Variants in WWOX observed in about 807,000 individuals in gnomAD.
WWOX encodes the protein WW domain-containing oxidoreductase.
A neutral mutation model predicts 46.2 loss-of-function variants in WWOX; 69 were observed. The observed-to-expected ratio is 1.49, with a 90% CI of 1.23 to 1.82. The LOEUF (loss-of-function observed/expected upper bound fraction) is 1.82, where lower values mean the gene tolerates loss of function less well. Ranked by LOEUF, WWOX falls within the 40% of genes most tolerant of loss-of-function variation. The pLI, the probability that WWOX is intolerant of heterozygous loss-of-function variation, is 0.00. For synonymous variants in WWOX, 359 were observed against 202.6 expected, an observed-to-expected ratio of 1.77 and a Z score of -6.56; for missense variants, 919 against 542.6, an observed-to-expected ratio of 1.69 and a Z score of -6.89.
intron 8 of WWOX, among the ~76,000 whole-genome samples, chr16:79,006,958 G>A (rs1253354380): frequency 6.6e-6 from 1 of 152,162 alleles, no homozygotes; most frequent in Non-Finnish European, 1.5e-5. Context: ...AGCAACGTCA[G>A]TTCCACCCAC....
At chr16:79,188,628 A>G (rs934186794) in intron 8 of WWOX, among the ~76,000 whole-genome samples, 8 of 152,194 alleles carry the variant, frequency 5.3e-5, no homozygotes, top group African/African-American at 2.4e-5. Flanking sequence ...CTTCTGAGCC[A>G]TCTGTTGCTA....
chr16:78,779,434 C>T (rs9923576), intron 8 of WWOX, among the ~76,000 whole-genome samples: 412 of 152,230 alleles, frequency 2.7e-3, no homozygotes, highest in Admixed American at 5.2e-3. Flanking sequence ...CCGTGTCCGG[C>T]CCCCCTTTCT....
At chr16:78,189,968 C>A (rs1384702729) in intron 5 of WWOX, among the ~76,000 whole-genome samples, 1 of 152,096 alleles carries the variant, frequency 6.6e-6, no homozygotes, top group Non-Finnish European at 1.5e-5. Context: ...ATCCTTCTTA[C>A]TTTTCCTCAA....
chr16:78,673,470 C>G (rs1201997989), intron 8 of WWOX, among the ~76,000 whole-genome samples: 3 of 152,112 alleles, frequency 2.0e-5, no homozygotes, highest in Non-Finnish European at 4.4e-5. Flanking sequence ...CACGAAACCC[C>G]TCTAAAACAG....
intron 5 of WWOX, among the ~76,000 whole-genome samples, chr16:78,189,088 G>C (rs2035799962): frequency 6.6e-6 from 1 of 152,190 alleles, no homozygotes; most frequent in Non-Finnish European, 1.5e-5. Flanking sequence ...CTGTGGCTGA[G>C]AACGTGCAGC....
At chr16:79,180,103 A>G (rs765636546) in intron 8 of WWOX, among the ~76,000 whole-genome samples, 4 of 152,152 alleles carry the variant, frequency 2.6e-5, no homozygotes, top group Non-Finnish European at 4.4e-5. Context: ...AACAAGAAAG[A>G]ATCTTTGCTA....
At chr16:78,524,242 G>T (rs996463875) in intron 8 of WWOX, among the ~76,000 whole-genome samples, 3 of 152,022 alleles carry the variant, frequency 2.0e-5, no homozygotes, top group African/African-American at 7.2e-5. Flanking sequence ...ACTTGTCATG[G>T]TGTGACTAAT....
chr16:79,138,112 A>G (rs573527191), intron 8 of WWOX, among the ~76,000 whole-genome samples: 2 of 152,206 alleles, frequency 1.3e-5, no homozygotes, highest in African/African-American at 4.8e-5. Context: ...AGCAGGGGCC[A>G]CAGCCAGAAA....
intron 5 of WWOX, among the ~76,000 whole-genome samples, chr16:78,165,723 T>G (rs2034948299): frequency 6.6e-6 from 1 of 152,150 alleles, no homozygotes; most frequent in Admixed American, 6.5e-5. Context: ...CTTAAGAAAA[T>G]TTTTGGTACT....
At chr16:79,059,287 G>T (rs116062446) in intron 8 of WWOX, among the ~76,000 whole-genome samples, 3,991 of 152,218 alleles carry the variant, frequency 0.026, 162 homozygotes, top group African/African-American at 0.085. Context: ...ACACCCTCAT[G>T]TTGAAGTCCT....
At chr16:79,079,489 G>A (rs1242292656) in intron 8 of WWOX, among the ~76,000 whole-genome samples, 1 of 152,172 alleles carries the variant, frequency 6.6e-6, no homozygotes, top group Non-Finnish European at 1.5e-5. Flanking sequence ...CCTAGAGGTT[G>A]TTTGCCCCAA....
At position 78,339,792 on chromosome 16, in the gene WWOX, G is replaced by A. The variant is rs144331376; in HGVS notation, c.517-47068G>A. The stretch of plus-strand genomic sequence containing the variant: ...TCGGGAAGTACAAACCCTTGTGACC[G>A]CTGTTCTCTTTCATTTCTATCTGCT... On this transcript the variant is annotated intron_variant, in intron 5 of 8. Coordinates refer to ENST00000566780, the MANE Select transcript of WWOX (RefSeq NM_016373.4). 1.1e-4 allele frequency among the ~76,000 whole-genome samples: 13 copies of A among 116,862 alleles called. No homozygotes were observed. In the East Asian group the frequency reaches 2.1e-3, roughly 19 times the overall value. 76.7% of individuals were successfully genotyped at this position (116,862 alleles called of 152,430 possible).
chr16:78,969,518 G>A (rs192936027), intron 8 of WWOX, among the ~76,000 whole-genome samples: 1 of 152,014 alleles, frequency 6.6e-6, no homozygotes, highest in African/African-American at 2.4e-5. Context: ...TGATCCAACC[G>A]CCTCAGCCTC....
At chr16:79,041,433 G>T (rs2047969187) in intron 8 of WWOX, among the ~76,000 whole-genome samples, 1 of 152,146 alleles carries the variant, frequency 6.6e-6, no homozygotes. Flanking sequence ...CCGGTGTCCT[G>T]TCCTGGGCAG....
chr16:78,177,752 C>G (rs1423425127), intron 5 of WWOX, among the ~76,000 whole-genome samples: 4 of 152,190 alleles, frequency 2.6e-5, no homozygotes, highest in African/African-American at 4.8e-5. Flanking sequence ...TACTCAGTGA[C>G]TGAGATAGAC....
chr16:79,138,463 C>G (rs967354317), intron 8 of WWOX, among the ~76,000 whole-genome samples: 3 of 152,302 alleles, frequency 2.0e-5, no homozygotes, highest in Middle Eastern at 3.4e-3. Context: ...ACACATTCCT[C>G]GTCTCTTTCC....
At chr16:78,913,149 T>C (rs996553586) in intron 8 of WWOX, among the ~76,000 whole-genome samples, 2 of 152,040 alleles carry the variant, frequency 1.3e-5, no homozygotes, top group Non-Finnish European at 2.9e-5. Flanking sequence ...ATTTCGATCA[T>C]GGCAGTTGCT....
At chr16:79,031,576 T>C (rs1194812134) in intron 8 of WWOX, among the ~76,000 whole-genome samples, 1 of 152,064 alleles carries the variant, frequency 6.6e-6, no homozygotes, top group African/African-American at 2.4e-5. Context: ...TTGATTGATC[T>C]GGGCATATGT....
At chr16:78,631,315 A>T (rs1270773342) in intron 8 of WWOX, among the ~76,000 whole-genome samples, 1 of 152,108 alleles carries the variant, frequency 6.6e-6, no homozygotes, top group Non-Finnish European at 1.5e-5. Flanking sequence ...CCACATCAGA[A>T]TATTTCTGCT....
Sources: allele counts gnomAD v4.1 joint callset (sites outside exome capture counted in the v4.1 genomes callset), GRCh38; gene constraint gnomAD v4.1.1; transcripts MANE v1.5; gene names NCBI Gene and HGNC (gene_info 2026-07-23, HGNC 2026-07-21).